C12orf50: variants seen among roughly 807,000 people sequenced by gnomAD.
C12orf50 encodes the protein zinc finger CCCH-type containing 11D, also known as uncharacterized protein C12orf50.
A neutral mutation model predicts 61.6 loss-of-function variants in C12orf50; 35 were observed. The ratio of observed to expected loss-of-function variants is 0.57; its 90% CI spans 0.43 to 0.75. The LOEUF is 0.75. Ranked by LOEUF, C12orf50 falls within the 30% of genes least tolerant of loss-of-function variation. C12orf50 has a pLI of 0.00. For synonymous variants in C12orf50, 178 were observed against 161.5 expected (o/e 1.10, Z -0.77); for missense variants, 475 against 488.5 (o/e 0.97, Z 0.26).
At chr12:88,026,183 TGCTGAGACACA>T (rs1169624175) in intron 3 of C12orf50, among the ~76,000 whole-genome samples, 2 of 152,180 alleles carry the variant, frequency 1.3e-5, no homozygotes, top group Non-Finnish European at 2.9e-5. Flanking sequence ...TGCGATACTT[TGCTGAGACACA>T]GCCTCCTTCT....
rs570077961 is a variant in C12orf50 at position 87,993,109 on chromosome 12, A to G, written c.592+1524T>C. Among the ~76,000 whole-genome samples the G allele has an allele frequency of 2.6e-5, 4 of 152,274 alleles. No individual in the cohort carries two copies. The South Asian group carries it at 8.3e-4, about 32-fold the overall frequency. On this transcript the variant is annotated intron_variant, in intron 7 of 12. Coordinates refer to ENST00000298699, the MANE Select transcript of C12orf50 (RefSeq NM_152589.3). ...GGAATTTTTTAAATATTCTTTTAGT[A>G]TGGTTTTTCAACTAGTTCATTACTC... is the stretch of plus-strand genomic sequence containing the variant.
intron 3 of C12orf50, among the ~76,000 whole-genome samples, chr12:88,008,390 T>A (rs993777603): frequency 6.6e-6 from 1 of 152,198 alleles, no homozygotes. Flanking sequence ...GCAAAGAATA[T>A]GATCTCATTC....
chr12:87,996,288 C>A (rs2031385586), intron 6 of C12orf50, 86 bp downstream of exon 6: 2 of 945,796 alleles, frequency 2.1e-6, no homozygotes, highest in African/African-American at 1.6e-5. Flanking sequence ...TCACTTTATT[C>A]TTCTGTACAT....
intron 12 of C12orf50, among the ~76,000 whole-genome samples, chr12:87,982,034 G>A (rs1287377416): frequency 1.3e-5 from 2 of 152,040 alleles, no homozygotes; most frequent in Non-Finnish European, 2.9e-5. Flanking sequence ...TATCTGGTAT[G>A]GGAGGTGAGA....
Position 87,987,894 on chromosome 12 carries a change from G to C in C12orf50, c.773C>G (p.Ala258Gly), listed in dbSNP as rs757543753. Reference protein sequence around the residue: ...RLVPTTHVLNATENISMKCRE... With the variant: ...RLVPTTHVLNGTENISMKCRE... ...GCACTTCATACTGATATTCTCAGTAGCATTTAATACATGCGTTGTAGGTAC... is the reference window on the plus strand; with the variant it reads ...GCACTTCATACTGATATTCTCAGTACCATTTAATACATGCGTTGTAGGTAC... Residue 258 changes from alanine (A) to glycine (G), a missense_variant, in exon 9 of 13, where the codon GCT becomes GGT. Coordinates refer to ENST00000298699, the MANE Select transcript of C12orf50 (RefSeq NM_152589.3). The C allele has an allele frequency of 1.9e-6, 3 of 1,611,300 alleles. No homozygotes were observed. The highest frequency in any genetic ancestry group is 2.5e-6 in the Non-Finnish European group (3 of 1,178,216).
At chr12:88,001,584 A>T (rs1357267899) in intron 3 of C12orf50, among the ~76,000 whole-genome samples, 1 of 151,080 alleles carries the variant, frequency 6.6e-6, no homozygotes, top group Non-Finnish European at 1.5e-5. Context: ...TTTTCTTTAA[A>T]TGTTGGTTAC....
At chr12:88,006,555 G>A (rs910895229) in intron 3 of C12orf50, among the ~76,000 whole-genome samples, 37 of 152,144 alleles carry the variant, frequency 2.4e-4, no homozygotes, top group African/African-American at 8.0e-4. Context: ...AATTTCTGGT[G>A]TTTACAACTT....
Position 88,026,998 on chromosome 12 carries a change from T to C in C12orf50, c.-36A>G. On this transcript the variant is annotated 5_prime_UTR_variant, in exon 2 of 13. Coordinates refer to ENST00000298699, the MANE Select transcript of C12orf50 (RefSeq NM_152589.3). ...CTGCAAAGTGGATCTAAACATTTCC[T>C]CTCTCTCCATAATGAGCACACAGTG... is the stretch of plus-strand genomic sequence containing the variant. The C allele has an allele frequency of 6.2e-7, 1 of 1,613,962 alleles. No individual in the cohort carries two copies. The highest frequency in any genetic ancestry group is 8.5e-7 in the Non-Finnish European group (1 of 1,179,938).
At chr12:87,980,625 G>A (rs773371007) in intron 12 of C12orf50, among the ~76,000 whole-genome samples, 80 of 152,188 alleles carry the variant, frequency 5.3e-4, no homozygotes, top group Non-Finnish European at 6.3e-4. Context: ...TGAACAGAAC[G>A]AAGGCTCCAT....
chr12:88,013,864 G>A (rs1303579332), intron 3 of C12orf50, among the ~76,000 whole-genome samples: 1 of 152,166 alleles, frequency 6.6e-6, no homozygotes, highest in African/African-American at 2.4e-5. Flanking sequence ...GGTGGTTGTT[G>A]TTTTAAGCTC....
In C12orf50 at chr12:87,980,285, A is replaced by T; in HGVS notation, c.*46T>A. The stretch of plus-strand genomic sequence containing the variant: ...TTCATTTTTGATTGTAAATCAGATG[A>T]TGTCTGGCAATTTTTTCTCATTTTT... On this transcript the variant is annotated 3_prime_UTR_variant, in exon 13 of 13. Coordinates refer to ENST00000298699, the MANE Select transcript of C12orf50 (RefSeq NM_152589.3). 1 of 1,569,454 alleles carries T rather than the reference A, an allele frequency of 6.4e-7. No individual in the cohort carries two copies. The highest frequency in any genetic ancestry group is 2.2e-5 in the East Asian group (1 of 44,602).
At chr12:88,006,606 G>A (rs2031894353) in intron 3 of C12orf50, among the ~76,000 whole-genome samples, 1 of 152,146 alleles carries the variant, frequency 6.6e-6, no homozygotes, top group South Asian at 2.1e-4. Context: ...CTCCAACTGA[G>A]GCAAAGGTAA....
In C12orf50 at chr12:87,983,091, A is replaced by G. The variant is rs1457620491; in HGVS notation, c.1219+12T>C. 6.7e-7 allele frequency: 1 copy of G among 1,493,954 alleles called. No individual in the cohort carries two copies. 92.5% of individuals were successfully genotyped at this position (1,493,954 alleles called of 1,614,324 possible). On this transcript the variant is annotated intron_variant, in intron 12 of 12. Transcript: ENST00000298699. ...ATTGCATGATACATTAAAACCACTT[A>G]TAAATAGTTACCTGGATATATCTTT...
intron 3 of C12orf50, among the ~76,000 whole-genome samples, chr12:88,000,037 G>C (rs1161564451): frequency 6.6e-6 from 1 of 152,072 alleles, no homozygotes; most frequent in Non-Finnish European, 1.5e-5. Flanking sequence ...GGAAAAAAAT[G>C]AGGAGTAACT....
intron 3 of C12orf50, among the ~76,000 whole-genome samples, chr12:88,006,769 TCC>T (rs1015528539): frequency 6.6e-6 from 1 of 152,024 alleles, no homozygotes; most frequent in African/African-American, 2.4e-5. Context: ...AGCAGCTTTC[TCC>T]CCCCAGAAAG....
chr12:88,021,221 A>G (rs1048706207), intron 3 of C12orf50, among the ~76,000 whole-genome samples: 5 of 152,114 alleles, frequency 3.3e-5, no homozygotes, highest in Non-Finnish European at 5.9e-5. Context: ...AAAAAGCCAT[A>G]CAAAAGACCA....
At chr12:88,025,491 T>C (rs560120701) in intron 3 of C12orf50, among the ~76,000 whole-genome samples, 3 of 152,280 alleles carry the variant, frequency 2.0e-5, no homozygotes, top group African/African-American at 7.2e-5. Flanking sequence ...GAGTACCATG[T>C]AGTGTTATTG....
chr12:88,029,149 GT>G (rs745556918), intron 1 of C12orf50, 190 bp downstream of exon 1: 17,758 of 986,406 alleles, frequency 0.018, 13 homozygotes, highest in African/African-American at 0.026. Context: ...TAATCCAATG[GT>G]TTTTTTTTTT....
chr12:87,981,293 A>G (rs1199399627), intron 12 of C12orf50, among the ~76,000 whole-genome samples: 1 of 152,070 alleles, frequency 6.6e-6, no homozygotes, highest in African/African-American at 2.4e-5. Context: ...GTTGTGAGAG[A>G]GCTAGTAAGA....
Sources: allele counts gnomAD v4.1 joint callset (sites outside exome capture counted in the v4.1 genomes callset), GRCh38; gene constraint gnomAD v4.1.1; transcripts MANE v1.5; gene names NCBI Gene and HGNC (gene_info 2026-07-23, HGNC 2026-07-21).